Variants in GRIK2 observed in about 807,000 individuals in gnomAD.
GRIK2 encodes glutamate ionotropic receptor kainate type subunit 2.
A neutral mutation model predicts 100.3 loss-of-function variants in GRIK2; 32 were observed. The observed-to-expected ratio is 0.32, with a 90% confidence interval of 0.24 to 0.43. The LOEUF is 0.43. Ranked by LOEUF, GRIK2 falls within the 20% of genes least tolerant of loss-of-function variation. The pLI, the probability that GRIK2 is intolerant of heterozygous loss-of-function variation, is 1.00. For synonymous variants in GRIK2, 417 were observed against 389.4 expected (o/e 1.07, Z -0.83); for missense variants, 843 against 1,114.9 (o/e 0.76, Z 3.47).
chr6:101,455,486 T>C (rs2128250637), intron 2 of GRIK2, among the ~76,000 whole-genome samples: 1 of 152,200 alleles, frequency 6.6e-6, no homozygotes, highest in Middle Eastern at 3.4e-3. Context: ...CCTATCACCC[T>C]GCTTCTAGAA....
At chr6:101,446,866 AT>A (rs1770408222) in intron 2 of GRIK2, among the ~76,000 whole-genome samples, 1 of 150,618 alleles carries the variant, frequency 6.6e-6, no homozygotes, top group Non-Finnish European at 1.5e-5. Context: ...AGCCACCTCA[AT>A]CACCGTTTCT....
chr6:101,562,421 C>T (rs1582721276), intron 2 of GRIK2, among the ~76,000 whole-genome samples: 1 of 152,122 alleles, frequency 6.6e-6, no homozygotes, highest in Non-Finnish European at 1.5e-5. Context: ...TCACTGCAAC[C>T]TCTGCCTCCT....
intron 12 of GRIK2, among the ~76,000 whole-genome samples, chr6:101,916,152 T>A (rs1789090524): frequency 6.6e-6 from 1 of 151,574 alleles, no homozygotes; most frequent in Non-Finnish European, 1.5e-5. Context: ...TTCATATCTA[T>A]GCATATATTA....
chr6:101,845,903 A>G (rs1475831993), intron 10 of GRIK2, among the ~76,000 whole-genome samples: 1 of 152,092 alleles, frequency 6.6e-6, no homozygotes, highest in Non-Finnish European at 1.5e-5. Flanking sequence ...GCATTTCCCT[A>G]ATGACTAATG....
intron 10 of GRIK2, among the ~76,000 whole-genome samples, chr6:101,848,557 C>T (rs181252735): frequency 5.3e-4 from 81 of 152,150 alleles, no homozygotes; most frequent in Admixed American, 3.9e-3. Flanking sequence ...TATATTTTAA[C>T]ACGAGGTATT....
chr6:101,922,342 A>G (rs573616050), intron 12 of GRIK2, among the ~76,000 whole-genome samples: 9 of 152,096 alleles, frequency 5.9e-5, no homozygotes, highest in South Asian at 2.1e-4. Context: ...AAGGAACTCT[A>G]TGAAAAAACT....
At chr6:101,592,298 G>C (rs1778686388) in intron 2 of GRIK2, among the ~76,000 whole-genome samples, 1 of 151,646 alleles carries the variant, frequency 6.6e-6, no homozygotes, top group Non-Finnish European at 1.5e-5. Flanking sequence ...ATTTCTATAG[G>C]GAAATGGAAA....
chr6:101,988,136 CG>C (rs1794147753), intron 14 of GRIK2, among the ~76,000 whole-genome samples: 1 of 21,068 alleles, frequency 4.7e-5, no homozygotes, highest in Admixed American at 5.9e-4. Context: ...TGTGTGTGCG[CG>C]CGCGCGCGCG....
chr6:101,895,527 A>G (rs1275014642), intron 12 of GRIK2, among the ~76,000 whole-genome samples: 1 of 151,890 alleles, frequency 6.6e-6, no homozygotes, highest in East Asian at 1.9e-4. Context: ...TTTTTGTCAC[A>G]GTGATGGGTG....
intron 2 of GRIK2, among the ~76,000 whole-genome samples, chr6:101,572,450 G>A (rs1009497512): frequency 6.6e-6 from 1 of 152,030 alleles, no homozygotes; most frequent in Middle Eastern, 3.2e-3. Flanking sequence ...TATGCTATAA[G>A]CATTTTAAAT....
At chr6:102,035,274 C>A (rs1770210884) in intron 14 of GRIK2, 67 bp from the exon 15 acceptor site, 2 of 784,512 alleles carry the variant, frequency 2.5e-6, no homozygotes, top group African/African-American at 1.7e-5. Context: ...TGTGTCTAAG[C>A]ATTATAGGAG....
At position 101,824,161 on chromosome 6, in the gene GRIK2, AG is replaced by A. The variant is rs549240594; in HGVS notation, c.1317+5680del. Among the ~76,000 whole-genome samples, 359 of 152,182 alleles carry A rather than the reference AG, an allele frequency of 2.4e-3. 1 individual carries two copies. Among genetic ancestry groups the A allele is most frequent in the Non-Finnish European group, 3.8e-3 (258 of 67,992 alleles). The stretch of plus-strand genomic sequence containing the variant: ...CGGCCTCCCGAAGTGCTGGGATTAC[AG>A]GTGTGAGCCACCATGCCCGGCCATG... On this transcript the variant is annotated intron_variant, in intron 10 of 16. Coordinates refer to ENST00000369134, the MANE Select transcript of GRIK2 (RefSeq NM_021956.5).
chr6:101,875,979 G>T (rs567414324), intron 11 of GRIK2, among the ~76,000 whole-genome samples: 6 of 150,624 alleles, frequency 4.0e-5, no homozygotes, highest in African/African-American at 1.2e-4. Flanking sequence ...TTTTCTTCTA[G>T]AATTACATAT....
chr6:101,992,241 G>A (rs544234074), intron 14 of GRIK2, among the ~76,000 whole-genome samples: 76 of 151,636 alleles, frequency 5.0e-4, no homozygotes, highest in Non-Finnish European at 1.0e-3. Context: ...GAAAGACACC[G>A]TTACATGACC....
At chr6:101,808,061 G>A (rs181007560) in intron 9 of GRIK2, among the ~76,000 whole-genome samples, 18 of 152,048 alleles carry the variant, frequency 1.2e-4, no homozygotes, top group Admixed American at 4.6e-4. Context: ...TGTTGGAAGT[G>A]GTTTATCCTT....
intron 2 of GRIK2, among the ~76,000 whole-genome samples, chr6:101,552,043 G>A (rs751621265): frequency 2.6e-5 from 4 of 152,068 alleles, no homozygotes; most frequent in African/African-American, 9.7e-5. Context: ...TGGTTGTGGT[G>A]TAGAGTAATT....
chr6:101,738,847 A>T (rs1405408929), intron 7 of GRIK2, among the ~76,000 whole-genome samples: 2 of 152,214 alleles, frequency 1.3e-5, no homozygotes, highest in Non-Finnish European at 2.9e-5. Flanking sequence ...GAGAGAGAAG[A>T]AAGACAATAA....
intron 14 of GRIK2, among the ~76,000 whole-genome samples, chr6:101,940,783 T>G (rs2128475481): frequency 6.6e-6 from 1 of 152,318 alleles, no homozygotes; most frequent in East Asian, 1.9e-4. Context: ...TTTATTTTCT[T>G]ATGGCTTCTA....
intron 11 of GRIK2, among the ~76,000 whole-genome samples, chr6:101,878,380 A>G (rs1033189532): frequency 6.6e-6 from 1 of 151,464 alleles, no homozygotes; most frequent in Non-Finnish European, 1.5e-5. Context: ...ATAAAATTAG[A>G]GTGAAGGAAG....
Sources: gnomAD v4.1 joint callset for allele counts (sites outside exome capture counted in the v4.1 genomes callset) on GRCh38, gnomAD v4.1.1 for gene constraint, MANE v1.5 for transcripts, NCBI Gene and HGNC (gene_info 2026-07-23, HGNC 2026-07-21) for gene names.